Variants in TSNARE1 observed in about 807,000 individuals in gnomAD.
TSNARE1 encodes the protein t-SNARE domain containing 1.
A neutral mutation model predicts 62.0 loss-of-function variants in TSNARE1; 49 were observed. The ratio of observed to expected loss-of-function variants is 0.79; its 90% confidence interval spans 0.63 to 1.00. The LOEUF is 1.00. TSNARE1 is among the 50% of genes least tolerant of loss of function. The probability of loss-of-function intolerance (pLI) is 0.00; values close to 1 mark genes in which losing one functional copy is unlikely to be tolerated. For synonymous variants in TSNARE1, 328 were observed against 294.4 expected, an observed-to-expected ratio of 1.11 and a Z score of -1.17; for missense variants, 755 against 700.1, an observed-to-expected ratio of 1.08 and a Z score of -0.88.
chr8:142,241,782 G>C (rs987195072), intron 12 of TSNARE1, among the ~76,000 whole-genome samples: 1 of 152,326 alleles, frequency 6.6e-6, no homozygotes, highest in South Asian at 2.1e-4. Flanking sequence ...AAATGGTGCT[G>C]GGAAAACCGG....
intron 12 of TSNARE1, among the ~76,000 whole-genome samples, chr8:142,245,683 T>C (rs764193954): frequency 5.3e-5 from 8 of 152,116 alleles, no homozygotes; most frequent in Non-Finnish European, 1.0e-4. Flanking sequence ...GACAAAACCA[T>C]TTAAAACTAC....
At chr8:142,310,740 T>A (rs185834580) in intron 9 of TSNARE1, among the ~76,000 whole-genome samples, 1 of 152,376 alleles carries the variant, frequency 6.6e-6, no homozygotes, top group African/African-American at 2.4e-5. Context: ...TCTCTGACTT[T>A]AATGTGCTCT....
chr8:142,215,531 C>T (rs1472380415), intron 13 of TSNARE1, among the ~76,000 whole-genome samples: 1 of 152,160 alleles, frequency 6.6e-6, no homozygotes, highest in Non-Finnish European at 1.5e-5. Flanking sequence ...CTCAGCCTCC[C>T]CACACACACT....
In TSNARE1 at chr8:142,283,221, G is replaced by T. The variant is rs1425755777; in HGVS notation, c.1363+1192C>A. On this transcript the variant is annotated intron_variant, in intron 11 of 13. Transcript: ENST00000524325. ...ACTGTCTGTCTAAGGGCAAAAGCGG[G>T]ATCAGTGTCTGCCAATGAGCAGAGG... Among the ~76,000 whole-genome samples the T allele has an allele frequency of 5.3e-5, 8 of 150,256 alleles. 1 individual carries two copies. Among genetic ancestry groups the T allele is most frequent in the Admixed American group, 2.0e-4 (3 of 15,170 alleles).
chr8:142,405,192 T>A (rs1483248022), upstream of TSNARE1: 2 of 151,990 alleles, frequency 1.3e-5, no homozygotes, highest in Non-Finnish European at 2.9e-5. Context: ...TGCTAAGGGG[T>A]CCTCAGGAAG....
chr8:142,344,617 G>C, intron 3 of TSNARE1, 145 bp from the exon 4 acceptor site: 1 of 883,860 alleles, frequency 1.1e-6, no homozygotes, highest in East Asian at 3.0e-5. Flanking sequence ...TCCCTGCTGG[G>C]TGTCCAGAGA....
At chr8:142,363,181 CG>C (rs1205881203) in intron 1 of TSNARE1, among the ~76,000 whole-genome samples, 1 of 152,146 alleles carries the variant, frequency 6.6e-6, no homozygotes, top group Non-Finnish European at 1.5e-5. Context: ...GATGGCCCTA[CG>C]GGTAGAGCCA....
At chr8:142,293,857 A>T (rs1824231562) in intron 10 of TSNARE1, among the ~76,000 whole-genome samples, 1 of 152,216 alleles carries the variant, frequency 6.6e-6, no homozygotes, top group South Asian at 2.1e-4. Flanking sequence ...GCAAGCAGGA[A>T]GTGGGGCTGC....
At chr8:142,233,529 C>A (rs1817229375) in intron 12 of TSNARE1, among the ~76,000 whole-genome samples, 1 of 152,176 alleles carries the variant, frequency 6.6e-6, no homozygotes, top group Admixed American at 6.5e-5. Flanking sequence ...TCACAGCTGA[C>A]AACATCTCAG....
At chr8:142,335,397 C>T (rs946773680) in intron 4 of TSNARE1, among the ~76,000 whole-genome samples, 2 of 152,126 alleles carry the variant, frequency 1.3e-5, no homozygotes, top group African/African-American at 4.8e-5. Flanking sequence ...ATGAGGCGGG[C>T]GTGGGACACA....
At chr8:142,250,414 C>G (rs1035384355) in intron 12 of TSNARE1, among the ~76,000 whole-genome samples, 1 of 152,024 alleles carries the variant, frequency 6.6e-6, no homozygotes. Context: ...TGCATAATCC[C>G]GGATCCCTTT....
intron 9 of TSNARE1, among the ~76,000 whole-genome samples, chr8:142,305,838 G>C (rs1347124090): frequency 1.3e-5 from 2 of 152,330 alleles, no homozygotes; most frequent in Non-Finnish European, 2.9e-5. Flanking sequence ...CTCAGGGCCT[G>C]GGTCCCTGTT....
intron 4 of TSNARE1, among the ~76,000 whole-genome samples, chr8:142,336,661 G>A (rs1044795537): frequency 2.6e-5 from 4 of 152,164 alleles, no homozygotes; most frequent in African/African-American, 9.7e-5. Context: ...AGAGCATAGA[G>A]GCCACAGAAA....
intron 1 of TSNARE1, among the ~76,000 whole-genome samples, chr8:142,372,373 G>A (rs1563996212): frequency 6.6e-6 from 1 of 152,238 alleles, no homozygotes; most frequent in African/African-American, 2.4e-5. Flanking sequence ...GTGGGAGGGA[G>A]AAGGGAAGGG....
intron 13 of TSNARE1, among the ~76,000 whole-genome samples, chr8:142,223,125 C>CTCGT (rs1563756785): frequency 5.2e-5 from 1 of 19,310 alleles, no homozygotes; most frequent in Non-Finnish European, 1.6e-4. Flanking sequence ...CACTCATTCA[C>CTCGT]TCATTCACTC....
chr8:142,391,023 A>G, intron 1 of TSNARE1, among the ~76,000 whole-genome samples: 2 of 145,120 alleles, frequency 1.4e-5, no homozygotes, highest in Admixed American at 6.9e-5. Context: ...TCTGTAACAG[A>G]CGCTGTACAC....
At chr8:142,233,035 A>T (rs1422448219) in intron 12 of TSNARE1, among the ~76,000 whole-genome samples, 1 of 152,166 alleles carries the variant, frequency 6.6e-6, no homozygotes, top group East Asian at 1.9e-4. Flanking sequence ...CACCCTGCAG[A>T]TGAGAAGCCA....
At chr8:142,265,514 T>C (rs1819089321) in intron 12 of TSNARE1, among the ~76,000 whole-genome samples, 1 of 152,220 alleles carries the variant, frequency 6.6e-6, no homozygotes, top group Non-Finnish European at 1.5e-5. Flanking sequence ...CAGCAGGGCT[T>C]TTCCACTTTG....
At chr8:142,331,161 C>A (rs1253841399) in intron 5 of TSNARE1, among the ~76,000 whole-genome samples, 191 bp from the exon 6 acceptor site, 1 of 152,236 alleles carries the variant, frequency 6.6e-6, no homozygotes, top group Non-Finnish European at 1.5e-5. Context: ...TCACGCCCGC[C>A]AGAACCCCTC....
Sources: allele counts gnomAD v4.1 joint callset (sites outside exome capture counted in the v4.1 genomes callset), GRCh38; gene constraint gnomAD v4.1.1; transcripts MANE v1.5; gene names NCBI Gene and HGNC (gene_info 2026-07-23, HGNC 2026-07-21).